The following SCAMP1 variants were observed in gnomAD, a reference collection of about 807,000 sequenced individuals.
SCAMP1 encodes secretory carrier membrane protein 1, also known as secretory carrier-associated membrane protein 1.
A neutral mutation model predicts 41.8 loss-of-function variants in SCAMP1; 15 were observed. The ratio of observed to expected loss-of-function variants is 0.36; its 90% confidence interval spans 0.24 to 0.55. SCAMP1 has a LOEUF of 0.55. Ranked by LOEUF, SCAMP1 falls within the 20% of genes least tolerant of loss-of-function variation. The pLI, the probability that SCAMP1 is intolerant of heterozygous loss-of-function variation, is 0.86. For synonymous variants in SCAMP1, 135 were observed against 136.8 expected (o/e 0.99, Z 0.09); for missense variants, 341 against 412.6 (o/e 0.83, Z 1.50).
chr5:78,410,770 A>G (rs548294711), intron 2 of SCAMP1, among the ~76,000 whole-genome samples: 17 of 152,326 alleles, frequency 1.1e-4, no homozygotes, highest in South Asian at 4.1e-4. Flanking sequence ...CCAACAGTAT[A>G]AAAGCATTAC....
intron 8 of SCAMP1, among the ~76,000 whole-genome samples, chr5:78,466,053 A>T (rs993568772): frequency 3.3e-5 from 5 of 152,256 alleles, no homozygotes; most frequent in African/African-American, 2.4e-5. Context: ...TGTAACACTG[A>T]CCATCACAGC....
intron 6 of SCAMP1, among the ~76,000 whole-genome samples, chr5:78,448,472 A>G (rs941874613): frequency 6.6e-6 from 1 of 152,164 alleles, no homozygotes; most frequent in Non-Finnish European, 1.5e-5. Context: ...GGAAAAAGCA[A>G]TCTAATTACA....
rs779920399 is a variant in SCAMP1, at chr5:78,421,890, A to G, written c.562A>G (p.Ile188Val). ...SARAVDFGLS[I>V]LWFLLFTPCS... ...AAGAGCGGTTGATTTTGGATTGAGT[A>G]TCCTGTGGTTCTTGCTTTTTACTCC... The change falls in exon 6 of 9, where the codon ATC becomes GTC. Residue 188 changes from isoleucine to valine, a missense_variant. Physicochemically the swap from Ile to Val is conservative, Grantham distance 29. Transcript: ENST00000621999. 6.2e-7 allele frequency: 1 copy of G among 1,613,822 alleles called. No homozygotes were observed. The highest frequency in any genetic ancestry group is 1.1e-5 in the South Asian group (1 of 91,070).
chr5:78,369,872 T>C (rs542916384), intron 1 of SCAMP1, among the ~76,000 whole-genome samples: 3 of 152,354 alleles, frequency 2.0e-5, no homozygotes, highest in Non-Finnish European at 2.9e-5. Flanking sequence ...TTTGTGATCA[T>C]GTCCTCTAGG....
intron 8 of SCAMP1, among the ~76,000 whole-genome samples, chr5:78,469,056 C>A (rs1210635390): frequency 6.6e-6 from 1 of 152,082 alleles, no homozygotes; most frequent in African/African-American, 2.4e-5. Context: ...ACTGTATTTT[C>A]TATGTGAGTT....
intron 4 of SCAMP1, 59 bp downstream of exon 4, chr5:78,416,708 T>C (rs1032640812): frequency 3.2e-6 from 4 of 1,262,474 alleles, no homozygotes; most frequent in Non-Finnish European, 4.4e-6. Context: ...ATTATGTCTA[T>C]ACTAGCTCCT....
intron 1 of SCAMP1, among the ~76,000 whole-genome samples, chr5:78,380,883 T>C (rs1334397806): frequency 6.6e-6 from 1 of 152,192 alleles, no homozygotes; most frequent in African/African-American, 2.4e-5. Context: ...CTGGCCAACA[T>C]GGTGAAACCC....
intron 1 of SCAMP1, among the ~76,000 whole-genome samples, chr5:78,361,929 A>C (rs1750664862): frequency 6.6e-6 from 1 of 152,228 alleles, no homozygotes; most frequent in African/African-American, 2.4e-5. Context: ...TCCAAGGAGG[A>C]TTATTTTAAT....
At chr5:78,433,158 A>G (rs569965604) in intron 6 of SCAMP1, among the ~76,000 whole-genome samples, 1 of 152,302 alleles carries the variant, frequency 6.6e-6, no homozygotes, top group African/African-American at 2.4e-5. Context: ...ACTAGAGTCT[A>G]AGAACATATT....
At chr5:78,430,199 GTATTTATTTATAAATACAGTATT>G in intron 6 of SCAMP1, among the ~76,000 whole-genome samples, 1 of 13,372 alleles carries the variant, frequency 7.5e-5, no homozygotes, top group African/African-American at 1.8e-4. Flanking sequence ...TATAAATACA[GTATTTATTTATAAATACAGTATT>G]TATTTATAAA....
intron 8 of SCAMP1, among the ~76,000 whole-genome samples, chr5:78,465,018 G>A (rs956695452): frequency 2.6e-5 from 4 of 151,982 alleles, no homozygotes; most frequent in Non-Finnish European, 4.4e-5. Flanking sequence ...GCATTAATTC[G>A]TCTTCTCTGC....
chr5:78,457,539 C>CGTT (rs1753450036), intron 7 of SCAMP1, among the ~76,000 whole-genome samples: 1 of 152,146 alleles, frequency 6.6e-6, no homozygotes, highest in Admixed American at 6.5e-5. Flanking sequence ...GCAGTCTGCC[C>CGTT]GTTCTCAGAT....
intron 2 of SCAMP1, among the ~76,000 whole-genome samples, chr5:78,403,230 C>T (rs1023143043): frequency 1.3e-5 from 2 of 152,052 alleles, no homozygotes; most frequent in Non-Finnish European, 2.9e-5. Context: ...TCCTGGTTGC[C>T]CTAGAGTTTG....
intron 6 of SCAMP1, among the ~76,000 whole-genome samples, chr5:78,443,273 G>A (rs1210395811): frequency 1.3e-5 from 2 of 149,100 alleles, no homozygotes; most frequent in Non-Finnish European, 3.0e-5. Context: ...ATAAGTAGCA[G>A]CATTTCTGTT....
At chr5:78,412,581 C>T (rs1752106980) in intron 2 of SCAMP1, among the ~76,000 whole-genome samples, 1 of 152,000 alleles carries the variant, frequency 6.6e-6, no homozygotes, top group South Asian at 2.1e-4. Flanking sequence ...TGTGTAAATT[C>T]CAATTTTGGT....
intron 6 of SCAMP1, among the ~76,000 whole-genome samples, chr5:78,438,999 G>A (rs1346685613): frequency 6.6e-6 from 1 of 152,072 alleles, no homozygotes; most frequent in Non-Finnish European, 1.5e-5. Context: ...GATCTTTGTT[G>A]ATCTGAAGTC....
chr5:78,478,828 G>C lies in SCAMP1; in HGVS notation c.*3160G>C, dbSNP rs888455535. On this transcript the variant is annotated 3_prime_UTR_variant, in exon 9 of 9. Coordinates refer to ENST00000621999, the MANE Select transcript of SCAMP1 (RefSeq NM_004866.6). ...AGAAATACATGTTAAAAAAGGAACAGTATTCTTTATTTTCTGGGTGTTATA... is the reference window on the plus strand; with the variant it reads ...AGAAATACATGTTAAAAAAGGAACACTATTCTTTATTTTCTGGGTGTTATA... 1 of 152,070 alleles carries C rather than the reference G, an allele frequency of 6.6e-6. No individual in the cohort carries two copies. The highest frequency in any genetic ancestry group is 2.4e-5 in the African/African-American group (1 of 41,442). 9.4% of individuals were successfully genotyped at this position (152,070 alleles called of 1,614,324 possible).
At chr5:78,448,766 C>T (rs556941022) in intron 6 of SCAMP1, among the ~76,000 whole-genome samples, 38 of 152,104 alleles carry the variant, frequency 2.5e-4, no homozygotes, top group African/African-American at 7.0e-4. Context: ...TTTGGGAGGC[C>T]GAGGCGGGCA....
chr5:78,427,399 G>A (rs1202576170), intron 6 of SCAMP1, among the ~76,000 whole-genome samples: 1 of 152,082 alleles, frequency 6.6e-6, no homozygotes, highest in Non-Finnish European at 1.5e-5. Context: ...AACACCTCCT[G>A]CTAGGCCCCA....
Sources: gnomAD v4.1 joint callset for allele counts (sites outside exome capture counted in the v4.1 genomes callset) on GRCh38, gnomAD v4.1.1 for gene constraint, MANE v1.5 for transcripts, NCBI Gene and HGNC (gene_info 2026-07-23, HGNC 2026-07-21) for gene names.